AKT2: variants seen among roughly 807,000 people sequenced by gnomAD.
AKT2 encodes RAC-beta serine/threonine-protein kinase.
In AKT2, 16 loss-of-function variants were observed where a neutral mutation model predicts 58.6. The ratio of observed to expected loss-of-function variants is 0.27; its 90% CI spans 0.18 to 0.41. The LOEUF is 0.41. Ranked by LOEUF, AKT2 falls within the 10% of genes least tolerant of loss-of-function variation. The probability of loss-of-function intolerance (pLI) is 1.00; values close to 1 mark genes in which losing one functional copy is unlikely to be tolerated. For missense variants in AKT2, 438 were observed against 661.0 expected, an observed-to-expected ratio of 0.66 and a Z score of 3.70; for synonymous variants, 253 against 254.0, an observed-to-expected ratio of 1.00 and a Z score of 0.04.
chr19:40,240,770 T>C (rs187008970), intron 6 of AKT2: 366 of 166,446 alleles, frequency 2.2e-3, no homozygotes, highest in African/African-American at 8.0e-3. Context: ...TGAGAATGTC[T>C]GAAGTCTTTT....
chr19:40,282,373 C>G (rs2077438718), intron 1 of AKT2: 1 of 412,448 alleles, frequency 2.4e-6, no homozygotes, highest in Admixed American at 2.6e-5. Context: ...CTGCTGCTAG[C>G]TAACGCAGGT....
chr19:40,239,911 G>C, intron 7 of AKT2, 134 bp downstream of exon 7: 2 of 1,101,806 alleles, frequency 1.8e-6, no homozygotes. Flanking sequence ...TGACTTGGCA[G>C]GGCGCAGCAA....
At chr19:40,244,379 G>A (rs905387919) in intron 4 of AKT2, 2 of 151,838 alleles carry the variant, frequency 1.3e-5, no homozygotes, top group East Asian at 1.9e-4. Context: ...AGGAGGTGGA[G>A]GCTGCAGTGA....
At chr19:40,244,279 G>C (rs1413842920) in intron 4 of AKT2, 5 of 151,502 alleles carry the variant, frequency 3.3e-5, no homozygotes, top group Non-Finnish European at 7.4e-5. Context: ...ACTTTGTAGA[G>C]ACCAAAGATA....
rs550981880 is a variant in AKT2, at chr19:40,260,406, C to T, written c.47-3352G>A. ...CAGCACTTTGGGAGGCCGAGGTGGGCGGATCCCAAGGTCAAGAGATAAAGA... is the reference window on the plus strand; with the variant it reads ...CAGCACTTTGGGAGGCCGAGGTGGGTGGATCCCAAGGTCAAGAGATAAAGA... On this transcript the variant is annotated intron_variant, in intron 2 of 13. Transcript: ENST00000392038. Among the ~76,000 whole-genome samples the T allele has an allele frequency of 1.2e-4, 18 of 151,870 alleles. 1 individual carries two copies. The South Asian group carries it at 3.7e-3, about 32-fold the overall frequency.
intron 1 of AKT2, among the ~76,000 whole-genome samples, chr19:40,276,423 T>G (rs2077326946): frequency 7.6e-6 from 1 of 131,272 alleles, no homozygotes; most frequent in Non-Finnish European, 1.6e-5. Context: ...TGGAGTGCAG[T>G]AGTGCGATCT....
In AKT2 at chr19:40,236,048, GA is replaced by G; in HGVS notation, c.1016del (p.Val339AlafsTer5). The G allele has an allele frequency of 6.2e-7, 1 of 1,614,120 alleles. No individual in the cohort carries two copies. On this transcript the variant is annotated frameshift_variant, in exon 11 of 14. Coordinates refer to ENST00000392038, the MANE Select transcript of AKT2 (RefSeq NM_001626.6). LOFTEE classifies it high-confidence loss of function. ...GGCGGCCGCACATCATCTCGTACAT[GA>G]CCACACCCAGCCCCCACCAGTCCAC... ...RAVDWWGLGVVMYEMMCGRLP... is the reference protein window; with the variant it reads ...RAVDWWGLGVXMYEMMCGRLP...
chr19:40,266,413 G>A (rs557660845), intron 1 of AKT2: 1 of 152,480 alleles, frequency 6.6e-6, no homozygotes, highest in African/African-American at 2.4e-5. Context: ...ATGTGACAGT[G>A]GCAGGCTGCC....
chr19:40,264,782 G>A (rs1034129319), intron 2 of AKT2, among the ~76,000 whole-genome samples: 2 of 146,954 alleles, frequency 1.4e-5, no homozygotes, highest in African/African-American at 2.5e-5. Flanking sequence ...TTGCCACCCC[G>A]ACATTCCATG....
chr19:40,260,039 G>A (rs932980538), intron 2 of AKT2, among the ~76,000 whole-genome samples: 1 of 152,106 alleles, frequency 6.6e-6, no homozygotes, highest in Non-Finnish European at 1.5e-5. Flanking sequence ...TATAGTCCCA[G>A]TGCTTGGGAG....
At position 40,233,897 on chromosome 19, in the gene AKT2, G is replaced by C; in HGVS notation, c.1421C>G (p.Ser474Cys). ...TCACTCGCGGATGCTGGCCGAGTAG[G>C]AGAACTGGGGGAAGTGGGTCCGCTG... ...LDQRTHFPQFSYSASIRE is the reference protein window; with the variant it reads ...LDQRTHFPQFCYSASIRE The change falls in exon 14 of 14, where the codon TCC (serine) becomes TGC (cysteine). Residue 474 changes from serine to cysteine, a missense_variant. Physicochemically the swap from Ser to Cys is moderately radical, Grantham distance 112. Transcript: ENST00000392038. This position sits in a 1 kb window ranked among gnomAD's most constrained non-coding sequence, Gnocchi z 4.3. 6.2e-7 allele frequency: 1 copy of C among 1,611,972 alleles called. No individual in the cohort carries two copies. The highest frequency in any genetic ancestry group is 8.5e-7 in the Non-Finnish European group (1 of 1,179,914).
At chr19:40,270,166 T>G (rs1392748967) in intron 1 of AKT2, among the ~76,000 whole-genome samples, 1 of 152,226 alleles carries the variant, frequency 6.6e-6, no homozygotes, top group Admixed American at 6.5e-5. Context: ...AGGCAAAGCA[T>G]GCCCACCCTA....
At chr19:40,252,766 C>T (rs1473174974) in intron 4 of AKT2, among the ~76,000 whole-genome samples, 1 of 152,204 alleles carries the variant, frequency 6.6e-6, no homozygotes, top group Non-Finnish European at 1.5e-5. Flanking sequence ...TATGCTGTCC[C>T]TTCTGAACTT....
At position 40,235,323 on chromosome 19, in the gene AKT2, C is replaced by T. The variant is rs1973950771; in HGVS notation, c.1203G>A (p.Lys401=). 1 of 1,613,852 alleles carries T rather than the reference C, an allele frequency of 6.2e-7. No homozygotes were observed. The highest frequency in any genetic ancestry group is 8.5e-7 in the Non-Finnish European group (1 of 1,180,022). Residue 401 remains lysine (K), a synonymous_variant, in exon 12 of 14, where the codon AAG becomes AAA. Coordinates refer to ENST00000392038, the MANE Select transcript of AKT2 (RefSeq NM_001626.6). The surrounding 1 kb of genome is among the most constrained non-coding windows in gnomAD (Gnocchi z 6.3). ...GGAAGAACCTGTGCTCCATGACCTC[C>T]TTGGCATCGCTGGGCCCCCCACCAA... The part of the protein sequence containing the change: ...QRLGGGPSDA[K]EVMEHRFFLS...
chr19:40,254,813 G>A (rs888639973), intron 4 of AKT2, among the ~76,000 whole-genome samples: 2 of 151,872 alleles, frequency 1.3e-5, no homozygotes, highest in African/African-American at 4.8e-5. Flanking sequence ...TCCAACTTGG[G>A]CAATAAGAGC....
Position 40,233,426 on chromosome 19 carries a change from C to A in AKT2, c.*446G>T. Reference sequence around the variant, plus strand: ...GTGCCTGGCCACTCCGAGCCTAGGCCACGGGGCCTGGAAGGCAGCACCACT... The same window carrying A: ...GTGCCTGGCCACTCCGAGCCTAGGCAACGGGGCCTGGAAGGCAGCACCACT... On this transcript the variant is annotated 3_prime_UTR_variant, in exon 14 of 14. Transcript: ENST00000392038. This position sits in a 1 kb window ranked among gnomAD's most constrained non-coding sequence, Gnocchi z 4.3. The A allele has an allele frequency of 2.0e-6, 1 of 489,424 alleles. No homozygotes were observed. The highest frequency in any genetic ancestry group is 3.9e-6 in the Non-Finnish European group (1 of 257,440). 30.3% of individuals were successfully genotyped at this position (489,424 alleles called of 1,614,324 possible).
rs1165850414 is a variant in AKT2 at position 40,235,444 on chromosome 19, T to C, written c.1176-94A>G. On this transcript the variant is annotated intron_variant, in intron 11 of 13. Transcript: ENST00000392038. The surrounding 1 kb of genome is among the most constrained non-coding windows in gnomAD (Gnocchi z 6.3). ...CAGGCAGGCCCTGTATGGCCCTTAA[T>C]GATTCTGTCTTGACCACAAACCACT... 2 of 1,112,378 alleles carry C rather than the reference T, an allele frequency of 1.8e-6. No individual in the cohort carries two copies. The highest frequency in any genetic ancestry group is 2.7e-6 in the Non-Finnish European group (2 of 742,186). 68.9% of individuals were successfully genotyped at this position (1,112,378 alleles called of 1,614,324 possible).
In AKT2 at chr19:40,249,060, G is replaced by C. The variant is rs376436706; in HGVS notation, c.287+6098C>G. ...GGGAGGAGTGGAGGAGATGAGGACA[G>C]GGAGGAGTGGAGGAGATGAGGACAG... On this transcript the variant is annotated intron_variant, in intron 4 of 13. Coordinates refer to ENST00000392038, the MANE Select transcript of AKT2 (RefSeq NM_001626.6). Among the ~76,000 whole-genome samples the C allele has an allele frequency of 4.5e-4, 68 of 152,110 alleles. No homozygotes were observed. In the East Asian group the frequency reaches 0.012, roughly 28 times the overall value.
chr19:40,234,973 G>T lies in AKT2; in HGVS notation c.1366+72C>A. On this transcript the variant is annotated intron_variant, in intron 13 of 13. Coordinates refer to ENST00000392038, the MANE Select transcript of AKT2 (RefSeq NM_001626.6). This position sits in a 1 kb window ranked among gnomAD's most constrained non-coding sequence, Gnocchi z 4.7. ...GGCCTTCGAGGGCCCTCCTTGAGAA[G>T]TGAGTTAAGAGCAGATCCCATCCCT... 1 of 1,366,482 alleles carries T rather than the reference G, an allele frequency of 7.3e-7. No homozygotes were observed. The highest frequency in any genetic ancestry group is 1.0e-6 in the Non-Finnish European group (1 of 957,342). 84.6% of individuals were successfully genotyped at this position (1,366,482 alleles called of 1,614,324 possible).
Sources: gnomAD v4.1 joint callset for allele counts (sites outside exome capture counted in the v4.1 genomes callset) on GRCh38, gnomAD v4.1.1 for gene constraint, Gnocchi (gnomAD v3.1) non-coding constraint, MANE v1.5 for transcripts, NCBI Gene and HGNC (gene_info 2026-07-23, HGNC 2026-07-21) for gene names.